Variants in PTPRK observed in about 807,000 individuals in gnomAD.
PTPRK encodes protein tyrosine phosphatase receptor type K, also known as receptor-type tyrosine-protein phosphatase kappa.
A neutral mutation model predicts 178.0 loss-of-function variants in PTPRK; 75 were observed. That is an observed-to-expected ratio of 0.42 (90% CI 0.35 to 0.51). PTPRK has a LOEUF of 0.51. Ranked by LOEUF, PTPRK falls within the 20% of genes least tolerant of loss-of-function variation. The pLI is 0.02. For missense variants in PTPRK, 1,441 were observed against 1,797.8 expected, an observed-to-expected ratio of 0.80 and a Z score of 3.59; for synonymous variants, 637 against 620.6, an observed-to-expected ratio of 1.03 and a Z score of -0.39.
chr6:128,184,476 G>A lies in PTPRK; in HGVS notation c.1118C>T (p.Thr373Met), dbSNP rs754182499. The change falls in exon 7 of 30, where the codon ACG becomes ATG. Residue 373 changes from threonine (T) to methionine (M), a missense_variant. Transcript: ENST00000368226. ...VLLTRPGEGG[T>M]GLPGPPLITR... is the part of the protein sequence containing the mutation. Reference sequence around the variant, plus strand: ...GATTAGTGGAGGTCCTGGGAGCCCCGTTCCACCTTCACCAGGTCTTGTAAG... The same window carrying A: ...GATTAGTGGAGGTCCTGGGAGCCCCATTCCACCTTCACCAGGTCTTGTAAG... 34 of 1,613,546 alleles carry A rather than the reference G, an allele frequency of 2.1e-5. No individual in the cohort carries two copies. In the Admixed American group the frequency reaches 2.8e-4, roughly 13 times the overall value.
intron 2 of PTPRK, among the ~76,000 whole-genome samples, chr6:128,351,470 T>C (rs1449591714): frequency 6.6e-6 from 1 of 152,006 alleles, no homozygotes. Context: ...AAAGAAAAAA[T>C]ATCATAAAAT....
At chr6:128,189,912 A>G (rs1235751517) in intron 6 of PTPRK, among the ~76,000 whole-genome samples, 4 of 152,184 alleles carry the variant, frequency 2.6e-5, no homozygotes, top group Non-Finnish European at 5.9e-5. Flanking sequence ...TCAGGCATTT[A>G]TCAGCTACCC....
chr6:128,241,171 G>A (rs1033076907), intron 4 of PTPRK: 16 of 505,794 alleles, frequency 3.2e-5, no homozygotes, highest in South Asian at 1.5e-4. Context: ...CAACCACCAC[G>A]TGGTATATAT....
intron 1 of PTPRK, among the ~76,000 whole-genome samples, chr6:128,485,726 T>G (rs1852730320): frequency 1.3e-5 from 2 of 152,138 alleles, no homozygotes; most frequent in African/African-American, 4.8e-5. Flanking sequence ...AGAAAGGATT[T>G]CGAAGGAGAA....
At chr6:128,079,004 AG>A in intron 10 of PTPRK, 86 bp from the exon 11 acceptor site, 1 of 817,974 alleles carries the variant, frequency 1.2e-6, no homozygotes, top group Non-Finnish European at 1.9e-6. Context: ...ATCTTAAGTT[AG>A]GAAAAAAAAA....
At chr6:128,257,192 T>C (rs1364975451) in intron 3 of PTPRK, among the ~76,000 whole-genome samples, 2 of 149,950 alleles carry the variant, frequency 1.3e-5, no homozygotes, top group East Asian at 3.9e-4. Context: ...ATCACGCCAT[T>C]GCACTCCAGC....
intron 1 of PTPRK, among the ~76,000 whole-genome samples, chr6:128,410,405 T>C (rs932445325): frequency 2.6e-5 from 4 of 152,234 alleles, no homozygotes; most frequent in African/African-American, 7.2e-5. Flanking sequence ...ATAAAAAGGA[T>C]TGACTATGTT....
In PTPRK at chr6:128,120,444, C is replaced by T. The variant is rs115040949; in HGVS notation, c.1163-30452G>A. Among the ~76,000 whole-genome samples the T allele has an allele frequency of 6.2e-3, 937 of 152,068 alleles. 17 individuals are homozygous for T. Among genetic ancestry groups the T allele is most frequent in the African/African-American group, 0.021 (887 of 41,556 alleles). ...TATTTTGAATATAGTAATCCCACTACTGGAAATCTATCAAAAAGACAGCAT... is the reference window on the plus strand; with the variant it reads ...TATTTTGAATATAGTAATCCCACTATTGGAAATCTATCAAAAAGACAGCAT... On this transcript the variant is annotated intron_variant, in intron 7 of 29. Transcript: ENST00000368226.
chr6:128,198,345 T>G (rs188401395), intron 6 of PTPRK, among the ~76,000 whole-genome samples: 10 of 152,300 alleles, frequency 6.6e-5, no homozygotes, highest in Middle Eastern at 6.8e-3. Flanking sequence ...CAAGTCCAAT[T>G]ATATGTTCAC....
intron 13 of PTPRK, among the ~76,000 whole-genome samples, chr6:128,038,285 C>T (rs1776562946): frequency 6.6e-6 from 1 of 151,980 alleles, no homozygotes; most frequent in African/African-American, 2.4e-5. Context: ...TGTCATTCTT[C>T]AAAGCATTAT....
At chr6:128,311,393 T>C (rs1161951637) in intron 3 of PTPRK, among the ~76,000 whole-genome samples, 1 of 152,182 alleles carries the variant, frequency 6.6e-6, no homozygotes, top group Non-Finnish European at 1.5e-5. Flanking sequence ...TAGCCTCTTC[T>C]GAGTGGTCCA....
At chr6:128,186,993 C>T (rs904108901) in intron 6 of PTPRK, among the ~76,000 whole-genome samples, 2 of 152,056 alleles carry the variant, frequency 1.3e-5, no homozygotes, top group Non-Finnish European at 2.9e-5. Context: ...GGAAAGAATG[C>T]TAAATTCACA....
At chr6:128,437,718 A>C (rs902244298) in intron 1 of PTPRK, among the ~76,000 whole-genome samples, 3 of 152,236 alleles carry the variant, frequency 2.0e-5, no homozygotes, top group Admixed American at 1.3e-4. Flanking sequence ...AATGAGTAGC[A>C]GGCAGAGAAA....
intron 3 of PTPRK, among the ~76,000 whole-genome samples, chr6:128,282,619 CATCA>C (rs1821847334): frequency 6.6e-6 from 1 of 152,188 alleles, no homozygotes; most frequent in African/African-American, 2.4e-5. Context: ...ATTCGGTTTA[CATCA>C]ATCTCTACAA....
At position 128,399,800 on chromosome 6, in the gene PTPRK, T is replaced by C. The variant is rs117742406; in HGVS notation, c.101-2112A>G. The stretch of plus-strand genomic sequence containing the variant: ...TAGACTACAGGATTCTGATTAGCAA[T>C]AACAACTAGGAGTAGCTGTACAAAA... On this transcript the variant is annotated intron_variant, in intron 1 of 29. Coordinates refer to ENST00000368226, the MANE Select transcript of PTPRK (RefSeq NM_002844.4). Among the ~76,000 whole-genome samples the C allele has an allele frequency of 2.9e-3, 449 of 152,314 alleles. 2 individuals are homozygous for C. Among genetic ancestry groups the C allele is most frequent in the Non-Finnish European group, 5.4e-3 (367 of 68,026 alleles).
At chr6:128,032,383 C>T (rs891225655) in intron 13 of PTPRK, among the ~76,000 whole-genome samples, 8 of 152,106 alleles carry the variant, frequency 5.3e-5, no homozygotes, top group African/African-American at 1.7e-4. Flanking sequence ...GCCAGTTATG[C>T]GGTTCAGATC....
chr6:128,250,786 C>T (rs949669253), intron 3 of PTPRK, among the ~76,000 whole-genome samples: 1 of 152,156 alleles, frequency 6.6e-6, no homozygotes, highest in Non-Finnish European at 1.5e-5. Flanking sequence ...AATCTAGTTA[C>T]TTTTCAAATG....
intron 13 of PTPRK, among the ~76,000 whole-genome samples, chr6:128,046,579 T>C (rs1778062695): frequency 6.6e-6 from 1 of 152,200 alleles, no homozygotes; most frequent in African/African-American, 2.4e-5. Context: ...TGCTAATGTT[T>C]TCCTATTTCC....
intron 7 of PTPRK, among the ~76,000 whole-genome samples, chr6:128,183,328 T>C (rs1404741893): frequency 6.6e-6 from 1 of 152,122 alleles, no homozygotes; most frequent in East Asian, 1.9e-4. Context: ...AAAAGCAAAT[T>C]GTGAGATTTA....
Sources: allele counts gnomAD v4.1 joint callset (sites outside exome capture counted in the v4.1 genomes callset), GRCh38; gene constraint gnomAD v4.1.1; transcripts MANE v1.5; gene names NCBI Gene and HGNC (gene_info 2026-07-23, HGNC 2026-07-21).